The following CNTLN variants were observed in gnomAD, a reference collection of about 807,000 sequenced individuals.
CNTLN encodes centlein, centrosomal protein.
A neutral mutation model predicts 180.0 loss-of-function variants in CNTLN; 212 were observed. The ratio of observed to expected loss-of-function variants is 1.18; its 90% confidence interval spans 1.05 to 1.32. The LOEUF is 1.32. Ranked by LOEUF, CNTLN falls within the 40% of genes most tolerant of loss-of-function variation. The probability of loss-of-function intolerance (pLI) is 0.00; values close to 1 mark genes in which losing one functional copy is unlikely to be tolerated. For synonymous variants in CNTLN, 722 were observed against 563.1 expected (o/e 1.28, Z -3.99); for missense variants, 2,095 against 1,610.9 (o/e 1.30, Z -5.14).
chr9:17,440,439 A>G (rs1336598407), intron 18 of CNTLN, among the ~76,000 whole-genome samples: 3 of 149,154 alleles, frequency 2.0e-5, no homozygotes, highest in East Asian at 4.0e-4. Flanking sequence ...AAAAAAAAAA[A>G]TGAGCCGGGC....
At chr9:17,207,228 A>T (rs1036819441) in intron 2 of CNTLN, among the ~76,000 whole-genome samples, 1 of 152,116 alleles carries the variant, frequency 6.6e-6, no homozygotes, top group Non-Finnish European at 1.5e-5. Flanking sequence ...TTCGCTTTTT[A>T]TATCATTTGC....
chr9:17,398,604 C>G (rs1309876853), intron 15 of CNTLN, among the ~76,000 whole-genome samples: 1 of 152,170 alleles, frequency 6.6e-6, no homozygotes, highest in African/African-American at 2.4e-5. Context: ...TTGGTTCCAA[C>G]TGATTTCAGC....
chr9:17,306,144 C>CCATT, intron 7 of CNTLN, among the ~76,000 whole-genome samples: 1 of 120,206 alleles, frequency 8.3e-6, no homozygotes, highest in South Asian at 3.3e-4. Flanking sequence ...TATTAGTCGT[C>CCATT]TATTTTTTTT....
At position 17,213,007 on chromosome 9, in the gene CNTLN, T is replaced by C. The variant is rs1823446844; in HGVS notation, c.450-13196T>C. On this transcript the variant is annotated intron_variant, in intron 2 of 25. Transcript: ENST00000380647. ...TTGTGGATCTTTTCAAAAAACCAGCTGCTAGATTCATTGATTTTTCTGAAG... is the reference window on the plus strand; with the variant it reads ...TTGTGGATCTTTTCAAAAAACCAGCCGCTAGATTCATTGATTTTTCTGAAG... Among the ~76,000 whole-genome samples the C allele has an allele frequency of 2.0e-5, 3 of 152,328 alleles. No homozygotes were observed. The South Asian group carries it at 6.2e-4, about 32-fold the overall frequency.
chr9:17,322,134 G>A (rs1819956633), intron 8 of CNTLN, among the ~76,000 whole-genome samples: 1 of 152,052 alleles, frequency 6.6e-6, no homozygotes, highest in East Asian at 1.9e-4. Context: ...TAATTCAGTT[G>A]TATATGTAGA....
At position 17,472,902 on chromosome 9, in the gene CNTLN, T is replaced by A. The variant is rs1023708663; in HGVS notation, c.3855+6011T>A. Among the ~76,000 whole-genome samples, 5 of 152,138 alleles carry A rather than the reference T, an allele frequency of 3.3e-5. No individual in the cohort carries two copies. In the South Asian group the frequency reaches 1.0e-3, roughly 31 times the overall value. On this transcript the variant is annotated intron_variant, in intron 23 of 25. Transcript: ENST00000380647. ...ACTCAAATTCACTGGCCTTACCACT[T>A]TTTCACTAATTACTACCACCCTCCT...
chr9:17,524,974 A>C, the CNTLN span, among the ~76,000 whole-genome samples: 1 of 152,236 alleles, frequency 6.6e-6, no homozygotes. Context: ...AAAATCAGTT[A>C]AGACCACTCT....
At chr9:17,320,322 T>A (rs1460745386) in intron 8 of CNTLN, among the ~76,000 whole-genome samples, 2 of 152,212 alleles carry the variant, frequency 1.3e-5, no homozygotes, top group East Asian at 3.8e-4. Context: ...AAATGTAATG[T>A]CTGTATACTC....
intron 5 of CNTLN, among the ~76,000 whole-genome samples, chr9:17,268,188 T>C (rs1266477330): frequency 6.6e-6 from 1 of 152,208 alleles, no homozygotes; most frequent in Non-Finnish European, 1.5e-5. Context: ...TGGTCTTTGA[T>C]GGTGGTGACT....
chr9:17,337,543 G>A (rs1018422151), intron 10 of CNTLN, among the ~76,000 whole-genome samples: 1 of 152,288 alleles, frequency 6.6e-6, no homozygotes, highest in South Asian at 2.1e-4. Context: ...AGAAGGGGCA[G>A]CATTCACTGC....
intron 2 of CNTLN, among the ~76,000 whole-genome samples, chr9:17,157,078 G>A (rs1157479643): frequency 6.6e-6 from 1 of 152,148 alleles, no homozygotes; most frequent in Non-Finnish European, 1.5e-5. Context: ...AATAAAGAAC[G>A]GAAGGAGAAT....
chr9:17,266,724 G>A (rs749543495), intron 5 of CNTLN, among the ~76,000 whole-genome samples: 1 of 152,140 alleles, frequency 6.6e-6, no homozygotes, highest in Admixed American at 6.6e-5. Flanking sequence ...GGGTGCTCCT[G>A]TATTGGGTGC....
intron 25 of CNTLN, among the ~76,000 whole-genome samples, chr9:17,497,617 T>C (rs1269281416): frequency 6.6e-6 from 1 of 152,210 alleles, no homozygotes; most frequent in African/African-American, 2.4e-5. Context: ...AGAAAAAAGC[T>C]ATAGCCTTCA....
intron 12 of CNTLN, among the ~76,000 whole-genome samples, chr9:17,361,375 T>A (rs1823379170): frequency 6.6e-6 from 1 of 152,194 alleles, no homozygotes; most frequent in Non-Finnish European, 1.5e-5. Flanking sequence ...TGTTCTCTAT[T>A]GAATGCCTCT....
chr9:17,329,019 T>C (rs1168534060), intron 8 of CNTLN, among the ~76,000 whole-genome samples: 1 of 152,044 alleles, frequency 6.6e-6, no homozygotes, highest in Non-Finnish European at 1.5e-5. Context: ...GAATATTAAT[T>C]TTATAATATT....
chr9:17,286,777 G>C (rs1479425615), intron 6 of CNTLN, among the ~76,000 whole-genome samples: 7 of 112,892 alleles, frequency 6.2e-5, no homozygotes, highest in Non-Finnish European at 1.2e-4. Flanking sequence ...AGTTGTGAAT[G>C]GGAGTTCACT....
intron 8 of CNTLN, among the ~76,000 whole-genome samples, chr9:17,317,638 G>C (rs372801012): frequency 7.9e-5 from 12 of 152,132 alleles, no homozygotes; most frequent in African/African-American, 2.9e-4. Context: ...GAGAGTGATA[G>C]GGCTTTTTTG....
At chr9:17,318,433 A>G (rs1819682360) in intron 8 of CNTLN, among the ~76,000 whole-genome samples, 1 of 152,224 alleles carries the variant, frequency 6.6e-6, no homozygotes, top group Admixed American at 6.5e-5. Context: ...CAATTGTAAT[A>G]GTGCAGGCAG....
intron 1 of CNTLN, among the ~76,000 whole-genome samples, chr9:17,139,708 T>A (rs1026186477): frequency 4.6e-5 from 7 of 152,088 alleles, no homozygotes; most frequent in African/African-American, 1.4e-4. Flanking sequence ...TTTTTATTTT[T>A]TGTTTTCATT....
Sources: allele counts gnomAD v4.1 joint callset (sites outside exome capture counted in the v4.1 genomes callset), GRCh38; gene constraint gnomAD v4.1.1; transcripts MANE v1.5; gene names NCBI Gene and HGNC (gene_info 2026-07-23, HGNC 2026-07-21).